Variants in ITGB3BP observed in about 807,000 individuals in gnomAD.
ITGB3BP encodes integrin subunit beta 3 binding protein, also known as centromere protein R.
Under a neutral mutation model 29.1 loss-of-function variants are expected in ITGB3BP, and 27 were observed. The observed-to-expected ratio is 0.93, with a 90% CI of 0.68 to 1.28. The LOEUF (loss-of-function observed/expected upper bound fraction) is 1.28, where lower values mean the gene tolerates loss of function less well. ITGB3BP is among the 50% of genes most tolerant of loss of function. The pLI, the probability that ITGB3BP is intolerant of heterozygous loss-of-function variation, is 0.00. For missense variants in ITGB3BP, 192 were observed against 200.2 expected, an observed-to-expected ratio of 0.96 and a Z score of 0.25; for synonymous variants, 61 against 61.4, an observed-to-expected ratio of 0.99 and a Z score of 0.03.
At chr1:63,479,169 A>G (rs1317709196) in intron 3 of ITGB3BP, among the ~76,000 whole-genome samples, 1 of 152,174 alleles carries the variant, frequency 6.6e-6, no homozygotes, top group Non-Finnish European at 1.5e-5. Context: ...TTAATCAATG[A>G]TATCATATAA....
chr1:63,446,114 G>A (rs1017404873), intron 8 of ITGB3BP, among the ~76,000 whole-genome samples: 5 of 151,638 alleles, frequency 3.3e-5, no homozygotes, highest in Admixed American at 2.6e-4. Context: ...GGCCAGGCTG[G>A]TCTCGAACTC....
At chr1:63,488,544 TCA>T (rs1645577288) in intron 3 of ITGB3BP, among the ~76,000 whole-genome samples, 1 of 152,244 alleles carries the variant, frequency 6.6e-6, no homozygotes, top group African/African-American at 2.4e-5. Context: ...TCATATTTTC[TCA>T]TTTATTTTGA....
intron 1 of ITGB3BP, among the ~76,000 whole-genome samples, chr1:63,517,850 T>C (rs577288036): frequency 1.7e-4 from 26 of 152,250 alleles, no homozygotes; most frequent in African/African-American, 6.0e-4. Context: ...GCCTCCCAAG[T>C]AGCTGGGACT....
chr1:63,464,386 G>A (rs868736488), intron 4 of ITGB3BP, among the ~76,000 whole-genome samples: 32 of 152,328 alleles, frequency 2.1e-4, no homozygotes, highest in Middle Eastern at 3.4e-3. Context: ...GTAGGATTAA[G>A]CAAATGTGCA....
intron 1 of ITGB3BP, among the ~76,000 whole-genome samples, chr1:63,521,620 C>T (rs1646448375): frequency 6.6e-6 from 1 of 151,982 alleles, no homozygotes; most frequent in African/African-American, 2.4e-5. Context: ...TCACTTAAGC[C>T]CAGGACTTCA....
chr1:63,453,242 G>A (rs949581711), intron 7 of ITGB3BP, among the ~76,000 whole-genome samples: 4 of 152,154 alleles, frequency 2.6e-5, no homozygotes, highest in African/African-American at 7.2e-5. Flanking sequence ...GGCAGTCATC[G>A]GTATTTAAAA....
At chr1:63,491,275 G>A (rs1030309539) in intron 2 of ITGB3BP, among the ~76,000 whole-genome samples, 10 of 152,188 alleles carry the variant, frequency 6.6e-5, no homozygotes, top group Non-Finnish European at 1.2e-4. Flanking sequence ...GTACTAATGT[G>A]TACAAAGAAA....
chr1:63,515,317 TTTCTA>T (rs1403159710), intron 1 of ITGB3BP, among the ~76,000 whole-genome samples: 3 of 152,308 alleles, frequency 2.0e-5, no homozygotes, highest in South Asian at 4.1e-4. Context: ...ATTTCTGGAC[TTTCTA>T]TTCTATTCTA....
chr1:63,487,176 T>G (rs887738859), intron 3 of ITGB3BP, among the ~76,000 whole-genome samples: 7 of 152,090 alleles, frequency 4.6e-5, no homozygotes, highest in African/African-American at 1.4e-4. Context: ...TAGCCAACTT[T>G]TTTTTTTATA....
chr1:63,521,713 T>G (rs146150136), intron 1 of ITGB3BP, among the ~76,000 whole-genome samples: 5,325 of 151,872 alleles, frequency 0.035, 222 homozygotes, highest in Admixed American at 0.14. Flanking sequence ...GCCCAGGAGG[T>G]AGAGGCTGCA....
intron 4 of ITGB3BP, among the ~76,000 whole-genome samples, chr1:63,472,018 TCGTCATC>T (rs1645205742): frequency 6.6e-6 from 1 of 150,392 alleles, no homozygotes; most frequent in South Asian, 2.1e-4. Context: ...CTCCTAGACC[TCGTCATC>T]CGCCCGCCTC....
chr1:63,523,004 GGACAGAGGA>G (rs1281846169), intron 1 of ITGB3BP, 116 bp downstream of exon 1: 1 of 1,101,620 alleles, frequency 9.1e-7, no homozygotes, highest in Non-Finnish European at 1.4e-6. Context: ...AATTGCCTGT[GGACAGAGGA>G]GACAAGTTCA....
chr1:63,523,183 A>C lies in ITGB3BP; in HGVS notation c.-50T>G, dbSNP rs777351141. The C allele has an allele frequency of 1.9e-6, 3 of 1,612,750 alleles. No homozygotes were observed. In the African/African-American group the frequency reaches 4.0e-5, roughly 22 times the overall value. On this transcript the variant is annotated 5_prime_UTR_variant, in exon 1 of 9. Coordinates refer to ENST00000271002, the MANE Select transcript of ITGB3BP (RefSeq NM_014288.5). ...GCCGCTGAATAAAACGAACCCAGCA[A>C]CTTCCGAAAACAGAAAATCCGCCAA... is the stretch of plus-strand genomic sequence containing the variant.
In ITGB3BP at chr1:63,480,509, T is replaced by C. The variant is rs1645419702; in HGVS notation, c.185-1676A>G. ...ATGAATGAACAAGCAAATGAATGAA[T>C]AACCCAAACTGTTCACCACTAATGA... is the stretch of plus-strand genomic sequence containing the variant. On this transcript the variant is annotated intron_variant, in intron 3 of 8. Coordinates refer to ENST00000271002, the MANE Select transcript of ITGB3BP (RefSeq NM_014288.5). 1.3e-5 allele frequency among the ~76,000 whole-genome samples: 2 copies of C among 152,086 alleles called. 1 individual carries two copies. The highest frequency in any genetic ancestry group is 4.1e-4 in the South Asian group (2 of 4,824).
At chr1:63,496,330 C>G (rs1645787560) in intron 2 of ITGB3BP, among the ~76,000 whole-genome samples, 1 of 151,920 alleles carries the variant, frequency 6.6e-6, no homozygotes, top group Non-Finnish European at 1.5e-5. Context: ...TGAGCTCAAG[C>G]AATCTGCCAG....
chr1:63,524,401 A>G (rs1268103544), upstream of ITGB3BP, among the ~76,000 whole-genome samples: 1 of 152,190 alleles, frequency 6.6e-6, no homozygotes, highest in East Asian at 1.9e-4. Context: ...AGTGTCAGGC[A>G]GGCGGCCTGC....
At chr1:63,457,091 C>T (rs1264112201) in intron 4 of ITGB3BP, 1 of 152,080 alleles carries the variant, frequency 6.6e-6, no homozygotes, top group Non-Finnish European at 1.5e-5. Flanking sequence ...ATTTTGATTC[C>T]CTTTCCTCTC....
At chr1:63,520,790 ACTGTATTTATCATTTCT>A (rs1367424780) in intron 1 of ITGB3BP, among the ~76,000 whole-genome samples, 119 of 152,262 alleles carry the variant, frequency 7.8e-4, no homozygotes, top group African/African-American at 2.6e-3. Context: ...CATCTATTAA[ACTGTATTTATCATTTCT>A]CTGTATTTAT....
At chr1:63,461,477 C>T (rs1308432062) in intron 4 of ITGB3BP, among the ~76,000 whole-genome samples, 4 of 151,980 alleles carry the variant, frequency 2.6e-5, no homozygotes, top group Non-Finnish European at 5.9e-5. Flanking sequence ...TTGATAAAGT[C>T]AAATTTATTT....
Sources: allele counts gnomAD v4.1 joint callset (sites outside exome capture counted in the v4.1 genomes callset), GRCh38; gene constraint gnomAD v4.1.1; transcripts MANE v1.5; gene names NCBI Gene and HGNC (gene_info 2026-07-23, HGNC 2026-07-21).